NOMO1: variants seen among roughly 807,000 people sequenced by gnomAD.
NOMO1 encodes nodal modulator 3.
NOMO1 carries 40 observed loss-of-function variants against 133.8 expected under a neutral mutation model. The ratio of observed to expected loss-of-function variants is 0.30; its 90% confidence interval spans 0.23 to 0.39. The LOEUF is 0.39. Among genes scored for constraint, NOMO1 ranks in the 10% least tolerant of loss-of-function variants. The probability of loss-of-function intolerance (pLI) is 1.00; values close to 1 mark genes in which losing one functional copy is unlikely to be tolerated. For synonymous variants in NOMO1, 236 were observed against 570.5 expected, an observed-to-expected ratio of 0.41 and a Z score of 8.36; for missense variants, 462 against 1,419.9, an observed-to-expected ratio of 0.33 and a Z score of 10.84.
intron 18 of NOMO1, among the ~76,000 whole-genome samples, chr16:14,873,694 A>G (rs1964110763): frequency 6.6e-6 from 1 of 151,706 alleles, no homozygotes; most frequent in Non-Finnish European, 1.5e-5. Context: ...GCTTGATTAC[A>G]TTCATTTTTG....
chr16:14,892,828 A>G (rs538480902), intron 29 of NOMO1, among the ~76,000 whole-genome samples: 19 of 148,548 alleles, frequency 1.3e-4, no homozygotes, highest in African/African-American at 3.7e-4. Flanking sequence ...CCAGGACTCA[A>G]GTGAGGCGGT....
chr16:14,842,690 G>A (rs1286883031), intron 3 of NOMO1, among the ~76,000 whole-genome samples: 1 of 151,786 alleles, frequency 6.6e-6, no homozygotes, highest in African/African-American at 2.4e-5. Context: ...TAGCCATCCC[G>A]CCCCACCCTC....
intron 16 of NOMO1, among the ~76,000 whole-genome samples, 167 bp from the exon 17 acceptor site, chr16:14,871,454 A>G (rs1964079761): frequency 6.6e-6 from 1 of 152,112 alleles, no homozygotes; most frequent in Non-Finnish European, 1.5e-5. Context: ...ACGCCTTCAT[A>G]GGCAGTGAAA....
At chr16:14,850,070 A>G (rs916457053) in intron 6 of NOMO1, among the ~76,000 whole-genome samples, 6 of 150,668 alleles carry the variant, frequency 4.0e-5, no homozygotes, top group Non-Finnish European at 7.4e-5. Context: ...AGCTAAGGAT[A>G]CAGTCTTTTT....
intron 3 of NOMO1, among the ~76,000 whole-genome samples, chr16:14,842,311 G>A (rs536648741): frequency 1.7e-3 from 247 of 148,068 alleles, no homozygotes; most frequent in Middle Eastern, 7.0e-3. Flanking sequence ...ACCTGCCATC[G>A]CCAAGGCTAA....
At chr16:14,840,937 G>A (rs1261503080) in intron 2 of NOMO1, among the ~76,000 whole-genome samples, 1 of 151,678 alleles carries the variant, frequency 6.6e-6, no homozygotes, top group Non-Finnish European at 1.5e-5. Flanking sequence ...ACAGTGTTGG[G>A]ATTATAGGTG....
intron 11 of NOMO1, among the ~76,000 whole-genome samples, chr16:14,861,852 A>C (rs1385422671): frequency 8.3e-6 from 1 of 119,794 alleles, no homozygotes; most frequent in South Asian, 3.0e-4. Context: ...TTTTTTTTTA[A>C]CTTTAACCAC....
chr16:14,856,227 T>C (rs1265529759), intron 9 of NOMO1, among the ~76,000 whole-genome samples: 2 of 151,654 alleles, frequency 1.3e-5, no homozygotes, highest in East Asian at 3.9e-4. Context: ...TACTGGTAAG[T>C]TTGATGAAGA....
At chr16:14,841,085 AAAAG>A (rs1963598278) in intron 2 of NOMO1, among the ~76,000 whole-genome samples, 1 of 145,428 alleles carries the variant, frequency 6.9e-6, no homozygotes, top group Non-Finnish European at 1.5e-5. Context: ...GTTTAGTATT[AAAAG>A]ACAGTGAGTG....
intron 11 of NOMO1, 71 bp downstream of exon 11, chr16:14,857,726 T>C: frequency 1.2e-6 from 2 of 1,605,286 alleles, no homozygotes; most frequent in South Asian, 2.2e-5. Context: ...GAATGACCTG[T>C]GATCTGTGTG....
At chr16:14,853,677 G>C in intron 8 of NOMO1, 73 bp downstream of exon 8, 1 of 1,609,292 alleles carries the variant, frequency 6.2e-7, no homozygotes, top group Non-Finnish European at 8.5e-7. Context: ...TGCTGTTTGG[G>C]TGTTAAAGGA....
In NOMO1 at chr16:14,875,006, A is replaced by G. The variant is rs780178033; in HGVS notation, c.2055-30A>G. 223 of 1,613,640 alleles carry G rather than the reference A, an allele frequency of 1.4e-4. 1 individual carries two copies. In the Admixed American group the frequency reaches 3.6e-3, roughly 26 times the overall value. ...TTCCCACTGACCACAAGGATACGCAACTATGTCCTAGGGGCCGTCTTTCTT... is the reference window on the plus strand; with the variant it reads ...TTCCCACTGACCACAAGGATACGCAGCTATGTCCTAGGGGCCGTCTTTCTT... On this transcript the variant is annotated intron_variant, in intron 18 of 30. Transcript: ENST00000287667.
chr16:14,835,960 C>T (rs891152867), intron 1 of NOMO1, among the ~76,000 whole-genome samples: 1 of 151,764 alleles, frequency 6.6e-6, no homozygotes, highest in Non-Finnish European at 1.5e-5. Flanking sequence ...ACTCCATACT[C>T]TCATGAGACT....
chr16:14,864,793 G>C lies in NOMO1; in HGVS notation c.1537+67G>C, dbSNP rs2151001901. On this transcript the variant is annotated intron_variant, in intron 13 of 30. Transcript: ENST00000287667. Reference sequence around the variant, plus strand: ...AGTCAGCCGGTAGGAGTGGGATTTGGGAAACTTTTCCTTTTGCCTTTGTTG... The same window carrying C: ...AGTCAGCCGGTAGGAGTGGGATTTGCGAAACTTTTCCTTTTGCCTTTGTTG... 3 of 1,612,850 alleles carry C rather than the reference G, an allele frequency of 1.9e-6. No homozygotes were observed. The East Asian group carries it at 6.7e-5, about 36-fold the overall frequency.
At chr16:14,840,512 A>G (rs1963589069) in intron 2 of NOMO1, among the ~76,000 whole-genome samples, 2 of 125,430 alleles carry the variant, frequency 1.6e-5, no homozygotes, top group South Asian at 2.9e-4. Context: ...GCTTGAACCC[A>G]GGAGACGGAG....
chr16:14,886,101 C>T (rs1430425100), intron 27 of NOMO1, among the ~76,000 whole-genome samples: 1 of 152,074 alleles, frequency 6.6e-6, no homozygotes, highest in Non-Finnish European at 1.5e-5. Flanking sequence ...TAACCCTGCT[C>T]ATGCCCCATG....
At chr16:14,880,836 A>G (rs1215871222) in intron 24 of NOMO1, among the ~76,000 whole-genome samples, 1 of 150,918 alleles carries the variant, frequency 6.6e-6, no homozygotes, top group African/African-American at 2.4e-5. Context: ...CTTCTGGGAG[A>G]CAACCAGTAC....
chr16:14,893,837 G>A (rs895961320), intron 29 of NOMO1, among the ~76,000 whole-genome samples: 2 of 151,908 alleles, frequency 1.3e-5, no homozygotes, highest in Non-Finnish European at 2.9e-5. Context: ...AGCTGTGGGC[G>A]TGATGACATC....
rs767527933 is a variant in NOMO1 at position 14,876,388 on chromosome 16, C to G, written c.2386C>G (p.His796Asp). 6.2e-6 allele frequency: 10 copies of G among 1,611,268 alleles called. No individual in the cohort carries two copies. The South Asian group carries it at 9.9e-5, about 16-fold the overall frequency. The change falls in exon 21 of 31, where the codon CAT (histidine) becomes GAT (aspartate). Residue 796 changes from histidine to aspartate, a missense_variant. Transcript: ENST00000287667. The stretch of plus-strand genomic sequence containing the variant: ...CTGCCCAGGGAAGCTGATCGAGATC[C>G]ATGGGAAGGCAGGCCTGTTTTTAGA... ...ESCPGKLIEI[H>D]GKAGLFLEGQ...
Sources: gnomAD v4.1 joint callset for allele counts (sites outside exome capture counted in the v4.1 genomes callset) on GRCh38, gnomAD v4.1.1 for gene constraint, MANE v1.5 for transcripts, NCBI Gene and HGNC (gene_info 2026-07-23, HGNC 2026-07-21) for gene names.